Variants in OR52N4 observed in about 807,000 individuals in gnomAD.
OR52N4 encodes the protein olfactory receptor 52N4.
In OR52N4, 15 loss-of-function variants were observed where a neutral mutation model predicts 15.0. That is an observed-to-expected ratio of 1.00 (90% CI 0.67 to 1.54). The LOEUF is 1.54. OR52N4 is among the 40% of genes most tolerant of loss of function. The pLI is 0.00. For synonymous variants in OR52N4, 143 were observed against 143.7 expected, an observed-to-expected ratio of 1.00 and a Z score of 0.03; for missense variants, 421 against 394.0, an observed-to-expected ratio of 1.07 and a Z score of -0.58.
chr11:5,734,068 C>G, the OR52N4 span: 1 of 436,786 alleles, frequency 2.3e-6, no homozygotes, highest in African/African-American at 2.0e-5. Flanking sequence ...AGCTGCTTTA[C>G]TACTCTCCAT....
chr11:5,755,668 C>A lies in OR52N4; in HGVS notation c.928C>A (p.Leu310Ile). ...GATACGAGACTGTGTCATAAGGATC[C>A]TTTCAGGTTCTAAGGATACCAAATC... ...KQIRDCVIRI[L>I]SGSKDTKSYS... Residue 310 changes from leucine to isoleucine, a missense_variant, in exon 2 of 2, where the codon CTT becomes ATT. Transcript: ENST00000641350. 2 of 1,613,630 alleles carry A rather than the reference C, an allele frequency of 1.2e-6. No individual in the cohort carries two copies. Among genetic ancestry groups the A allele is most frequent in the Non-Finnish European group, 1.7e-6 (2 of 1,179,712 alleles).
At chr11:5,737,071 C>T in the OR52N4 span, 4 of 1,613,988 alleles carry the variant, frequency 2.5e-6, no homozygotes, top group African/African-American at 2.7e-5. Flanking sequence ...AAATTGAACA[C>T]TGCCTGTGCT....
the OR52N4 span, among the ~76,000 whole-genome samples, chr11:5,730,487 G>A: frequency 1.3e-5 from 2 of 151,330 alleles, no homozygotes; most frequent in African/African-American, 4.9e-5. Context: ...CACCACGCCC[G>A]GCCAGCAGTA....
chr11:5,737,202 T>C, the OR52N4 span: 1 of 1,614,112 alleles, frequency 6.2e-7, no homozygotes, highest in Non-Finnish European at 8.5e-7. Flanking sequence ...TCATATATTT[T>C]GATTCTGTAC....
chr11:5,748,775 GAGA>G, the OR52N4 span, among the ~76,000 whole-genome samples: 2 of 151,904 alleles, frequency 1.3e-5, no homozygotes, highest in Non-Finnish European at 2.9e-5. Context: ...TAGGGTAGTG[GAGA>G]AGAAGAAAAC....
upstream of OR52N4, among the ~76,000 whole-genome samples, chr11:5,752,368 AT>A (rs1854208579): frequency 6.6e-6 from 1 of 152,190 alleles, no homozygotes; most frequent in Non-Finnish European, 1.5e-5. Context: ...ATCTTACCCA[AT>A]AAGGCAGAAC....
At chr11:5,737,042 G>C in the OR52N4 span, 1 of 1,614,130 alleles carries the variant, frequency 6.2e-7, no homozygotes, top group African/African-American at 1.3e-5. Context: ...AGCACAGCGT[G>C]ATTATTGCTC....
the OR52N4 span, among the ~76,000 whole-genome samples, chr11:5,745,381 G>C: frequency 6.6e-6 from 1 of 152,096 alleles, no homozygotes; most frequent in Non-Finnish European, 1.5e-5. Flanking sequence ...ACAAAGATCA[G>C]TAGCATTGTT....
the OR52N4 span, among the ~76,000 whole-genome samples, chr11:5,747,833 T>C: frequency 6.6e-6 from 1 of 152,006 alleles, no homozygotes; most frequent in Admixed American, 6.6e-5. Context: ...AAACCAATAA[T>C]ATAAAATTTT....
At position 5,754,873 on chromosome 11, in the gene OR52N4, T is replaced by C. The variant is rs759390967; in HGVS notation, c.133T>C (p.Cys45Arg). 3 of 1,613,860 alleles carry C rather than the reference T, an allele frequency of 1.9e-6. No homozygotes were observed. The highest frequency in any genetic ancestry group is 2.5e-6 in the Non-Finnish European group (3 of 1,179,812). Residue 45 changes from cysteine to arginine, a missense_variant, in exon 2 of 2, where the codon TGT becomes CGT. Physicochemically the swap from Cys to Arg is radical, Grantham distance 180. Transcript: ENST00000641350. ...GTATGTTGTGGCTATGGTAGGGAATTGTGGACTCCTCTACCTCATTCACTA... is the reference window on the plus strand; with the variant it reads ...GTATGTTGTGGCTATGGTAGGGAATCGTGGACTCCTCTACCTCATTCACTA... ...SMYVVAMVGN[C>R]GLLYLIHYED...
the OR52N4 span, chr11:5,737,489 T>C: frequency 6.2e-7 from 1 of 1,605,876 alleles, no homozygotes; most frequent in Non-Finnish European, 8.5e-7. Flanking sequence ...AATAAGATCT[T>C]AGAGACCTTC....
chr11:5,737,655 T>G, the OR52N4 span: 9 of 582,894 alleles, frequency 1.5e-5, 1 homozygote, highest in Middle Eastern at 4.8e-4. Flanking sequence ...CACAGTAGCC[T>G]AAAATATTGA....
At position 5,755,924 on chromosome 11, in the gene OR52N4, A is replaced by G. The variant is rs1360424553; in HGVS notation, c.*218A>G. ...TACCTTCTCACTCATGTGAAGGACC[A>G]GTCTAATAATTAAACCATATTTTAT... On this transcript the variant is annotated 3_prime_UTR_variant, in exon 2 of 2. Coordinates refer to ENST00000641350, the MANE Select transcript of OR52N4 (RefSeq NM_001005175.5). 3 of 545,740 alleles carry G rather than the reference A, an allele frequency of 5.5e-6. No individual in the cohort carries two copies. Among genetic ancestry groups the G allele is most frequent in the Non-Finnish European group, 9.5e-6 (3 of 315,310 alleles). The allele number at this position is 545,740 out of a possible 1,614,324, so 33.8% of individuals were successfully genotyped here. A position where few individuals can be genotyped will look rare whatever the true frequency, so the allele number is the denominator to read the frequency against.
chr11:5,748,939 G>C, the OR52N4 span, among the ~76,000 whole-genome samples: 2 of 152,064 alleles, frequency 1.3e-5, no homozygotes, highest in East Asian at 3.9e-4. Flanking sequence ...TGGACACTGA[G>C]AATGGAAAGT....
chr11:5,727,160 C>G, the OR52N4 span: 1 of 152,890 alleles, frequency 6.5e-6, no homozygotes, highest in Non-Finnish European at 1.5e-5. Context: ...CTCTCCTATG[C>G]CCTAATTGCA....
chr11:5,753,611 T>A (rs4636704), upstream of OR52N4, among the ~76,000 whole-genome samples: 26,209 of 152,086 alleles, frequency 0.17, 2,399 homozygotes, highest in East Asian at 0.25. Flanking sequence ...ATTGACTTTT[T>A]TAATTTTAAA....
upstream of OR52N4, among the ~76,000 whole-genome samples, chr11:5,749,645 G>A (rs891178201): frequency 6.6e-6 from 1 of 151,866 alleles, no homozygotes; most frequent in African/African-American, 2.4e-5. Flanking sequence ...TTCCTGGAAA[G>A]ACTGAGATAG....
chr11:5,737,409 C>T, the OR52N4 span: 1 of 1,614,052 alleles, frequency 6.2e-7, no homozygotes, highest in Non-Finnish European at 8.5e-7. Context: ...CTCAACCCTA[C>T]AGTTTATGCA....
At chr11:5,751,396 T>C (rs1004657169), upstream of OR52N4, among the ~76,000 whole-genome samples, 3 of 152,026 alleles carry the variant, frequency 2.0e-5, no homozygotes, top group African/African-American at 7.2e-5. Flanking sequence ...CTCTACTTTA[T>C]GAGAGAGATG....
Sources: gnomAD v4.1 joint callset for allele counts (sites outside exome capture counted in the v4.1 genomes callset) on GRCh38, gnomAD v4.1.1 for gene constraint, MANE v1.5 for transcripts, NCBI Gene and HGNC (gene_info 2026-07-23, HGNC 2026-07-21) for gene names.